Variants in ELL2 observed in about 807,000 individuals in gnomAD.
ELL2 encodes RNA polymerase II elongation factor ELL2.
In ELL2, 21 loss-of-function variants were observed where a neutral mutation model predicts 72.8. That is an observed-to-expected ratio of 0.29 (90% CI 0.20 to 0.42). The LOEUF (loss-of-function observed/expected upper bound fraction) is 0.42. Among genes scored for constraint, ELL2 ranks in the 10% least tolerant of loss-of-function variants. ELL2 has a pLI of 1.00. For missense variants in ELL2, 568 were observed against 772.8 expected (o/e 0.73, Z 3.14); for synonymous variants, 266 against 283.2 (o/e 0.94, Z 0.61).
intron 2 of ELL2, among the ~76,000 whole-genome samples, chr5:95,923,810 A>G (rs1463559685): frequency 6.6e-6 from 1 of 152,244 alleles, no homozygotes; most frequent in Non-Finnish European, 1.5e-5. Context: ...CATCCTTAAA[A>G]TTTCAAAAGG....
rs1457133418 is a variant in ELL2, at chr5:95,895,658, G to C, written c.1559C>G (p.Pro520Arg). Residue 520 changes from proline (P) to arginine (R), a missense_variant, in exon 9 of 12, where the codon CCT (proline) becomes CGT (arginine). Pro to Arg is a moderately radical substitution (Grantham distance 103). This residue lies in a region of ELL2 where 511 missense variants were observed against 728.4 expected (regional missense o/e 0.70). Coordinates refer to ENST00000237853, the MANE Select transcript of ELL2 (RefSeq NM_012081.6). The part of the protein sequence containing the change: ...VKEDCTASME[P>R]SAIELPDYLI... ...ATAATCTGGGAGTTCAATTGCTGAA[G>C]GTTCCATGGAGGCAGTGCAATCCTC... 2 of 1,613,954 alleles carry C rather than the reference G, an allele frequency of 1.2e-6. No individual in the cohort carries two copies. Among genetic ancestry groups the C allele is most frequent in the Admixed American group, 3.3e-5 (2 of 60,002 alleles).
chr5:95,943,093 C>A, intron 1 of ELL2, 44 bp from the exon 2 acceptor site: 1 of 1,528,226 alleles, frequency 6.5e-7, no homozygotes, highest in African/African-American at 1.4e-5. Context: ...ACCTTGGTTA[C>A]TGTGACATAG....
At chr5:95,944,116 T>C (rs1751070144) in intron 1 of ELL2, among the ~76,000 whole-genome samples, 1 of 152,170 alleles carries the variant, frequency 6.6e-6, no homozygotes, top group South Asian at 2.1e-4. Flanking sequence ...CTATAGCACA[T>C]CACCTACTAC....
In ELL2 at chr5:95,920,858, A is replaced by C. The variant is rs556567944; in HGVS notation, c.196-1313T>G. On this transcript the variant is annotated intron_variant, in intron 2 of 11. Coordinates refer to ENST00000237853, the MANE Select transcript of ELL2 (RefSeq NM_012081.6). ...AATTTAGCAGACAAGTAGGGAAGGG[A>C]AAAGTGTTTTATAATCCTCATTCTC... 2.6e-5 allele frequency among the ~76,000 whole-genome samples: 4 copies of C among 152,338 alleles called. No homozygotes were observed. In the South Asian group the frequency reaches 8.3e-4, roughly 32 times the overall value.
chr5:95,950,557 T>C (rs1751334629), intron 1 of ELL2, among the ~76,000 whole-genome samples: 1 of 152,068 alleles, frequency 6.6e-6, no homozygotes, highest in Non-Finnish European at 1.5e-5. Context: ...AAAACTACTT[T>C]AAAAAATGGT....
At chr5:95,897,087 CAG>C (rs1420304349) in intron 8 of ELL2, among the ~76,000 whole-genome samples, 1 of 152,200 alleles carries the variant, frequency 6.6e-6, no homozygotes, top group African/African-American at 2.4e-5. Context: ...AATATTTAAA[CAG>C]AAATGCTTTG....
In ELL2 at chr5:95,937,704, C is replaced by A. The variant is rs1313327157; in HGVS notation, c.195+5298G>T. Among the ~76,000 whole-genome samples, 4 of 152,086 alleles carry A rather than the reference C, an allele frequency of 2.6e-5. No homozygotes were observed. In the East Asian group the frequency reaches 7.7e-4, roughly 29 times the overall value. On this transcript the variant is annotated intron_variant, in intron 2 of 11. Transcript: ENST00000237853. The stretch of plus-strand genomic sequence containing the variant: ...TATTAAAAAAATTAAAACAGAACTA[C>A]CTTTATAAAGAAATATAATTTTAAC...
At position 95,894,076 on chromosome 5, in the gene ELL2, C is replaced by T. The variant is rs917827332; in HGVS notation, c.1589+1552G>A. On this transcript the variant is annotated intron_variant, in intron 9 of 11. Coordinates refer to ENST00000237853, the MANE Select transcript of ELL2 (RefSeq NM_012081.6). ...GACTAGCCTGGCCAATATGGCGAAA[C>T]GCCATCTCTACTAAAAATACAAAAA... 3.9e-5 allele frequency among the ~76,000 whole-genome samples: 6 copies of T among 152,254 alleles called. No individual in the cohort carries two copies. In the South Asian group the frequency reaches 1.2e-3, roughly 32 times the overall value.
rs1365044499 is a variant in ELL2, at chr5:95,888,363, A to C, written c.*508T>G. 6.5e-6 allele frequency: 1 copy of C among 152,778 alleles called. No individual in the cohort carries two copies. Among genetic ancestry groups the C allele is most frequent in the Non-Finnish European group, 1.5e-5 (1 of 68,278 alleles). 9.5% of individuals were successfully genotyped at this position (152,778 alleles called of 1,614,324 possible). A position where few individuals can be genotyped will look rare whatever the true frequency, so the allele number is the denominator to read the frequency against. On this transcript the variant is annotated 3_prime_UTR_variant, in exon 12 of 12. Coordinates refer to ENST00000237853, the MANE Select transcript of ELL2 (RefSeq NM_012081.6). ...TTTCTATTTTTTAACCCTCCAAGAC[A>C]ATGTTTATTTTTTTAATTTTGTGCA... is the stretch of plus-strand genomic sequence containing the variant.
At chr5:95,893,176 G>C (rs1422500510) in intron 9 of ELL2, among the ~76,000 whole-genome samples, 1 of 152,024 alleles carries the variant, frequency 6.6e-6, no homozygotes, top group African/African-American at 2.4e-5. Context: ...TATTATAGAA[G>C]AGATTATTTG....
chr5:95,957,698 T>C (rs1355869784), intron 1 of ELL2, among the ~76,000 whole-genome samples: 1 of 152,166 alleles, frequency 6.6e-6, no homozygotes, highest in Non-Finnish European at 1.5e-5. Context: ...ATCACTTCTC[T>C]AAAAATAGGG....
chr5:95,888,554 T>C lies in ELL2; in HGVS notation c.*317A>G. 5.5e-6 allele frequency: 1 copy of C among 182,912 alleles called. No individual in the cohort carries two copies. The highest frequency in any genetic ancestry group is 1.1e-5 in the Non-Finnish European group (1 of 89,374). 11.3% of individuals were successfully genotyped at this position (182,912 alleles called of 1,614,324 possible). Reference sequence around the variant, plus strand: ...CACTGGATCCCCAATATCTAAAAAATCATTTCTAATAACAAACACAAGTTT... The same window carrying C: ...CACTGGATCCCCAATATCTAAAAAACCATTTCTAATAACAAACACAAGTTT... On this transcript the variant is annotated 3_prime_UTR_variant, in exon 12 of 12. Transcript: ENST00000237853.
intron 3 of ELL2, among the ~76,000 whole-genome samples, chr5:95,916,175 C>T (rs796711076): frequency 7.9e-5 from 12 of 152,030 alleles, no homozygotes; most frequent in African/African-American, 2.4e-4. Context: ...TAGTTAGCCA[C>T]ACTCAGAGAG....
At chr5:95,950,922 A>G (rs1368138421) in intron 1 of ELL2, among the ~76,000 whole-genome samples, 4 of 106,930 alleles carry the variant, frequency 3.7e-5, no homozygotes, top group African/African-American at 1.4e-4. Context: ...ATATATATAT[A>G]TATATATATA....
intron 8 of ELL2, among the ~76,000 whole-genome samples, chr5:95,896,754 G>A (rs893437647): frequency 2.0e-5 from 3 of 152,164 alleles, no homozygotes; most frequent in African/African-American, 7.2e-5. Flanking sequence ...ATCGCAACTG[G>A]TTCTGAAAGT....
intron 4 of ELL2, chr5:95,913,243 T>G (rs1254103075): frequency 1.3e-5 from 2 of 152,312 alleles, no homozygotes; most frequent in Non-Finnish European, 2.9e-5. Context: ...GACATCAGTC[T>G]AATGCTCTGT....
At chr5:95,929,270 T>G (rs1750507882) in intron 2 of ELL2, among the ~76,000 whole-genome samples, 1 of 151,884 alleles carries the variant, frequency 6.6e-6, no homozygotes, top group African/African-American at 2.4e-5. Context: ...CATTTTTTTT[T>G]TTTTTTGAGA....
chr5:95,949,743 C>A (rs1277165388), intron 1 of ELL2, among the ~76,000 whole-genome samples: 1 of 150,638 alleles, frequency 6.6e-6, no homozygotes, highest in Non-Finnish European at 1.5e-5. Context: ...AATTTTGGAA[C>A]TTTGCCCAAA....
At chr5:95,930,656 A>G (rs1222793563) in intron 2 of ELL2, among the ~76,000 whole-genome samples, 1 of 152,172 alleles carries the variant, frequency 6.6e-6, no homozygotes, top group Non-Finnish European at 1.5e-5. Flanking sequence ...AACTTATTTT[A>G]TGTATTACAA....
Sources: allele counts gnomAD v4.1 joint callset (sites outside exome capture counted in the v4.1 genomes callset), GRCh38; gene constraint gnomAD v4.1.1; regional missense constraint gnomAD v4.1.1; transcripts MANE v1.5; gene names NCBI Gene and HGNC (gene_info 2026-07-23, HGNC 2026-07-21).